The following SAMD5 variants were observed in gnomAD, a reference collection of about 807,000 sequenced individuals.
SAMD5 encodes sterile alpha motif domain containing 5, also known as sterile alpha motif domain-containing protein 5.
SAMD5 carries 13 observed loss-of-function variants against 11.3 expected under a neutral mutation model. The ratio of observed to expected loss-of-function variants is 1.15; its 90% CI spans 0.75 to 1.83. The LOEUF is 1.83. SAMD5 is among the 40% of genes most tolerant of loss of function. The pLI, the probability that SAMD5 is intolerant of heterozygous loss-of-function variation, is 0.00. For missense variants in SAMD5, 255 were observed against 239.1 expected (o/e 1.07, Z -0.44); for synonymous variants, 129 against 111.3 (o/e 1.16, Z -1.00).
At chr6:147,582,348 G>A (rs900111762) in intron 1 of SAMD5, among the ~76,000 whole-genome samples, 3 of 148,732 alleles carry the variant, frequency 2.0e-5, no homozygotes, top group Non-Finnish European at 4.5e-5. Flanking sequence ...AAAAAAAAAA[G>A]GAAAGGATGG....
the SAMD5 span, among the ~76,000 whole-genome samples, chr6:147,871,566 G>A: frequency 4.6e-5 from 7 of 152,164 alleles, no homozygotes; most frequent in South Asian, 2.1e-4. Context: ...GAAAAGTTAG[G>A]AAATTTTATT....
chr6:147,889,667 T>C, the SAMD5 span, among the ~76,000 whole-genome samples: 3 of 152,198 alleles, frequency 2.0e-5, 1 homozygote, highest in South Asian at 6.2e-4. Context: ...CCTAGTATCC[T>C]AAATATGCTC....
At chr6:147,732,675 G>A (rs556219081) in intron 1 of SAMD5, among the ~76,000 whole-genome samples, 2 of 152,274 alleles carry the variant, frequency 1.3e-5, no homozygotes, top group African/African-American at 2.4e-5. Context: ...TTTCCCTGGT[G>A]TAATACTATT....
the SAMD5 span, among the ~76,000 whole-genome samples, chr6:147,858,347 A>G: frequency 6.6e-6 from 1 of 152,118 alleles, no homozygotes; most frequent in South Asian, 2.1e-4. Flanking sequence ...CTCTGTTTTC[A>G]TGCATCTTCT....
chr6:147,549,146 G>A (rs1788729375), intron 1 of SAMD5, among the ~76,000 whole-genome samples: 1 of 152,194 alleles, frequency 6.6e-6, no homozygotes, highest in Non-Finnish European at 1.5e-5. Context: ...GAAACTGTGA[G>A]GTCATTTGTT....
At chr6:147,645,489 A>C (rs1790383787) in intron 1 of SAMD5, among the ~76,000 whole-genome samples, 1 of 152,174 alleles carries the variant, frequency 6.6e-6, no homozygotes, top group South Asian at 2.1e-4. Context: ...GAATTTTTCT[A>C]TACGTTATGT....
the SAMD5 span, among the ~76,000 whole-genome samples, chr6:147,762,747 C>G: frequency 6.6e-6 from 1 of 152,032 alleles, no homozygotes; most frequent in African/African-American, 2.4e-5. Flanking sequence ...CTCCTTATTT[C>G]CGGTTTAGTA....
chr6:147,784,246 A>G, the SAMD5 span, among the ~76,000 whole-genome samples: 2 of 152,250 alleles, frequency 1.3e-5, no homozygotes, highest in South Asian at 2.1e-4. Context: ...TCTAGCCCAT[A>G]GGAAGCACAG....
At chr6:147,724,408 G>A (rs1791597376) in intron 1 of SAMD5, among the ~76,000 whole-genome samples, 1 of 152,086 alleles carries the variant, frequency 6.6e-6, no homozygotes, top group South Asian at 2.1e-4. Flanking sequence ...GTCATCCTAA[G>A]AAATTAACCT....
chr6:147,835,218 G>A, the SAMD5 span, among the ~76,000 whole-genome samples: 3 of 138,040 alleles, frequency 2.2e-5, no homozygotes, highest in East Asian at 4.3e-4. Flanking sequence ...GGGTGACAGA[G>A]TGAGACTCCA....
At chr6:147,578,721 T>A (rs1583092576) in intron 1 of SAMD5, among the ~76,000 whole-genome samples, 1 of 151,978 alleles carries the variant, frequency 6.6e-6, no homozygotes, top group South Asian at 2.1e-4. Context: ...ATATGGCAGG[T>A]GTTAAAAGTT....
At chr6:147,697,478 G>C (rs555659502) in intron 1 of SAMD5, among the ~76,000 whole-genome samples, 1 of 152,166 alleles carries the variant, frequency 6.6e-6, no homozygotes, top group Non-Finnish European at 1.5e-5. Flanking sequence ...CAGCAAGATG[G>C]TAATCAAACC....
chr6:147,615,731 G>T (rs6925595), intron 1 of SAMD5, among the ~76,000 whole-genome samples: 1 of 151,974 alleles, frequency 6.6e-6, no homozygotes, highest in South Asian at 2.1e-4. Flanking sequence ...AATGTGGGTC[G>T]GTATAAACAT....
the SAMD5 span, among the ~76,000 whole-genome samples, chr6:147,825,022 C>T: frequency 4.6e-5 from 7 of 152,064 alleles, no homozygotes; most frequent in African/African-American, 1.2e-4. Flanking sequence ...GGGCTGGGGA[C>T]GGTGACTCAT....
chr6:147,718,309 G>A (rs768767607), intron 1 of SAMD5, among the ~76,000 whole-genome samples: 3 of 152,112 alleles, frequency 2.0e-5, no homozygotes, highest in Non-Finnish European at 2.9e-5. Flanking sequence ...TGGAAAAACC[G>A]CCTAAATCAC....
intron 1 of SAMD5, among the ~76,000 whole-genome samples, chr6:147,653,876 T>C (rs956137982): frequency 1.3e-5 from 2 of 152,194 alleles, no homozygotes; most frequent in Admixed American, 6.5e-5. Flanking sequence ...TATTAACTCA[T>C]TGTGAGCTCT....
the SAMD5 span, among the ~76,000 whole-genome samples, chr6:147,865,507 T>C: frequency 6.6e-6 from 1 of 152,240 alleles, no homozygotes; most frequent in Non-Finnish European, 1.5e-5. Context: ...GCTTTGCCTC[T>C]TTATTCCAAT....
At chr6:147,794,487 T>C in the SAMD5 span, among the ~76,000 whole-genome samples, 1 of 152,164 alleles carries the variant, frequency 6.6e-6, no homozygotes, top group Non-Finnish European at 1.5e-5. Flanking sequence ...TATAAATGCA[T>C]TTAATTTCAC....
chr6:147,670,318 C>T (rs1374735297), intron 1 of SAMD5, among the ~76,000 whole-genome samples: 1 of 152,160 alleles, frequency 6.6e-6, no homozygotes, highest in Non-Finnish European at 1.5e-5. Context: ...CTTAAGGGCC[C>T]TAAGATTTCC....
Sources: gnomAD v4.1 joint callset for allele counts (sites outside exome capture counted in the v4.1 genomes callset) on GRCh38, gnomAD v4.1.1 for gene constraint, MANE v1.5 for transcripts, NCBI Gene and HGNC (gene_info 2026-07-23, HGNC 2026-07-21) for gene names.